FERMT2: variants seen among roughly 807,000 people sequenced by gnomAD.
The protein encoded by FERMT2 is fermitin family homolog 2.
A neutral mutation model predicts 82.7 loss-of-function variants in FERMT2; 15 were observed. The observed-to-expected ratio is 0.18, with a 90% CI of 0.12 to 0.28. The LOEUF (loss-of-function observed/expected upper bound fraction) is 0.28. FERMT2 is among the 10% of genes least tolerant of loss of function. The pLI is 1.00. For missense variants in FERMT2, 645 were observed against 809.4 expected, an observed-to-expected ratio of 0.80 and a Z score of 2.46; for synonymous variants, 274 against 271.5, an observed-to-expected ratio of 1.01 and a Z score of -0.09.
At chr14:52,949,915 T>C (rs1890546550) in intron 2 of FERMT2, among the ~76,000 whole-genome samples, 1 of 152,196 alleles carries the variant, frequency 6.6e-6, no homozygotes, top group Non-Finnish European at 1.5e-5. Flanking sequence ...CTCCACCACG[T>C]AGAACAGCCA....
intron 10 of FERMT2, among the ~76,000 whole-genome samples, chr14:52,865,671 A>G (rs1272254975): frequency 6.6e-6 from 1 of 152,202 alleles, no homozygotes; most frequent in Non-Finnish European, 1.5e-5. Context: ...ATCATGCAGT[A>G]GGCTCTACGA....
chr14:52,898,549 A>T (rs543276142), intron 3 of FERMT2, among the ~76,000 whole-genome samples: 1 of 152,330 alleles, frequency 6.6e-6, no homozygotes, highest in East Asian at 1.9e-4. Flanking sequence ...TAAAGGAGTA[A>T]GATTTAACAT....
At chr14:52,916,796 T>C (rs1315214459) in intron 3 of FERMT2, among the ~76,000 whole-genome samples, 2 of 152,170 alleles carry the variant, frequency 1.3e-5, no homozygotes, top group Non-Finnish European at 2.9e-5. Flanking sequence ...AGAGGGTATG[T>C]GGGAATTCTC....
At chr14:52,945,057 C>T (rs1261861942) in intron 2 of FERMT2, among the ~76,000 whole-genome samples, 2 of 151,864 alleles carry the variant, frequency 1.3e-5, no homozygotes, top group Non-Finnish European at 2.9e-5. Flanking sequence ...CGTGCCATCA[C>T]GCCTGGCTAA....
intron 10 of FERMT2, among the ~76,000 whole-genome samples, chr14:52,870,622 T>C (rs2140085223): frequency 6.6e-6 from 1 of 152,326 alleles, no homozygotes; most frequent in East Asian, 1.9e-4. Context: ...GTCTACAGTA[T>C]TCAGTACAGT....
At chr14:52,875,722 A>C (rs555605950) in intron 7 of FERMT2, among the ~76,000 whole-genome samples, 1 of 152,202 alleles carries the variant, frequency 6.6e-6, no homozygotes, top group South Asian at 2.1e-4. Context: ...AGAAATATTG[A>C]ATGAACATAC....
rs1885886873 is a variant in FERMT2, at chr14:52,875,318, G to C, written c.1003C>G (p.His335Asp). Residue 335 changes from histidine (H) to aspartate (D), a missense_variant, in exon 8 of 15, where the codon CAT becomes GAT. By Grantham distance (81) the His-to-Asp change is moderately conservative. Transcript: ENST00000341590. Reference sequence around the variant, plus strand: ...ACTTCTTTGTCACTGTTGTTCAAATGATTCTCTGATGTCATGATTGACAGC... The same window carrying C: ...ACTTCTTTGTCACTGTTGTTCAAATCATTCTCTGATGTCATGATTGACAGC... ...NKLSIMTSEN[H>D]LNNSDKEVDE... 1 of 1,609,700 alleles carries C rather than the reference G, an allele frequency of 6.2e-7. No individual in the cohort carries two copies. The highest frequency in any genetic ancestry group is 8.5e-7 in the Non-Finnish European group (1 of 1,176,332).
intron 3 of FERMT2, among the ~76,000 whole-genome samples, chr14:52,899,559 G>C (rs1478462883): frequency 6.6e-6 from 1 of 152,194 alleles, no homozygotes; most frequent in African/African-American, 2.4e-5. Flanking sequence ...TGGGATTACA[G>C]GTGTGAGCCA....
chr14:52,931,754 C>A (rs544981551), intron 2 of FERMT2, among the ~76,000 whole-genome samples: 2 of 152,200 alleles, frequency 1.3e-5, no homozygotes, highest in African/African-American at 4.8e-5. Flanking sequence ...AAGGGGCGGG[C>A]GCGGTGGCTC....
intron 10 of FERMT2, among the ~76,000 whole-genome samples, chr14:52,867,951 T>A (rs1337415665): frequency 1.3e-5 from 2 of 152,148 alleles, no homozygotes; most frequent in Non-Finnish European, 2.9e-5. Context: ...TTAATTTGGA[T>A]TACTATCATC....
intron 10 of FERMT2, 145 bp from the exon 11 acceptor site, chr14:52,864,998 T>A (rs1885182555): frequency 3.3e-6 from 2 of 605,408 alleles, no homozygotes; most frequent in African/African-American, 1.9e-5. Context: ...GAAGGTAACA[T>A]ACACATATAC....
At position 52,920,934 on chromosome 14, in the gene FERMT2, C is replaced by T. The variant is rs902170856; in HGVS notation, c.158-1578G>A. On this transcript the variant is annotated intron_variant, in intron 2 of 14. Coordinates refer to ENST00000341590, the MANE Select transcript of FERMT2 (RefSeq NM_006832.3). ...CCGTACTCCAGCCTGGGTGACAGAGCGAGATCCTACCTCAAGAAAAAAAAA... is the reference window on the plus strand; with the variant it reads ...CCGTACTCCAGCCTGGGTGACAGAGTGAGATCCTACCTCAAGAAAAAAAAA... Among the ~76,000 whole-genome samples the T allele has an allele frequency of 3.3e-5, 5 of 149,608 alleles. No homozygotes were observed. In the East Asian group the frequency reaches 7.7e-4, roughly 23 times the overall value.
chr14:52,868,914 G>T (rs137992413), intron 10 of FERMT2, among the ~76,000 whole-genome samples: 6 of 152,338 alleles, frequency 3.9e-5, no homozygotes, highest in African/African-American at 1.4e-4. Flanking sequence ...TGTGATGAGT[G>T]CAATGATCAG....
chr14:52,862,470 C>G (rs1357360424), intron 12 of FERMT2: 1 of 152,132 alleles, frequency 6.6e-6, no homozygotes, highest in Non-Finnish European at 1.5e-5. Context: ...GAGTTTGAGA[C>G]CAGTCTAAGC....
rs1488087509 is a variant in FERMT2 at position 52,919,244 on chromosome 14, A to G, written c.270T>C (p.Leu90=). The G allele has an allele frequency of 7.4e-6, 12 of 1,614,122 alleles. No individual in the cohort carries two copies. Among genetic ancestry groups the G allele is most frequent in the Non-Finnish European group, 9.3e-6 (11 of 1,179,970 alleles). ...GCAGTTTGTGCTGAGGGGTGAACTGAAGCTTAGCATCTGCCTGAATACCAT... is the reference window on the plus strand; with the variant it reads ...GCAGTTTGTGCTGAGGGGTGAACTGGAGCTTAGCATCTGCCTGAATACCAT... ...DKYGIQADAK[L]QFTPQHKLLR... is the part of the protein sequence containing the mutation. The change falls in exon 3 of 15, where the codon CTT becomes CTC. Residue 90 remains leucine (L), a synonymous_variant. Coordinates refer to ENST00000341590, the MANE Select transcript of FERMT2 (RefSeq NM_006832.3).
At chr14:52,888,885 C>A (rs191681227) in intron 4 of FERMT2, among the ~76,000 whole-genome samples, 7 of 152,152 alleles carry the variant, frequency 4.6e-5, no homozygotes, top group African/African-American at 1.7e-4. Context: ...TTAAGGTAAA[C>A]AAGGCTACAA....
intron 2 of FERMT2, among the ~76,000 whole-genome samples, chr14:52,924,821 C>G (rs1889159480): frequency 6.6e-6 from 1 of 152,212 alleles, no homozygotes. Context: ...GTATTTTTAG[C>G]TTCATTTTTA....
chr14:52,861,287 A>C (rs1884921060), intron 12 of FERMT2: 3 of 454,936 alleles, frequency 6.6e-6, no homozygotes, highest in East Asian at 4.0e-5. Flanking sequence ...TAGAATGTTA[A>C]ATGTTGCTAA....
chr14:52,928,011 A>G (rs749955934), intron 2 of FERMT2: 1 of 389,712 alleles, frequency 2.6e-6, no homozygotes, highest in South Asian at 1.8e-5. Flanking sequence ...AGTTGATCAA[A>G]TAACTTACTT....
Sources: gnomAD v4.1 joint callset for allele counts (sites outside exome capture counted in the v4.1 genomes callset) on GRCh38, gnomAD v4.1.1 for gene constraint, MANE v1.5 for transcripts, NCBI Gene and HGNC (gene_info 2026-07-23, HGNC 2026-07-21) for gene names.